The following WDR72 variants were observed in gnomAD, a reference collection of about 807,000 sequenced individuals.
WDR72 encodes WD repeat-containing protein 72.
Under a neutral mutation model 124.2 loss-of-function variants are expected in WDR72, and 120 were observed. The observed-to-expected ratio is 0.97, with a 90% confidence interval of 0.83 to 1.12. WDR72 has a LOEUF of 1.12. Among genes scored for constraint, WDR72 ranks in the 50% most tolerant of loss-of-function variants. The pLI, the probability that WDR72 is intolerant of heterozygous loss-of-function variation, is 0.00. For synonymous variants in WDR72, 452 were observed against 441.7 expected, an observed-to-expected ratio of 1.02 and a Z score of -0.29; for missense variants, 1,387 against 1,278.8, an observed-to-expected ratio of 1.08 and a Z score of -1.29.
intron 9 of WDR72, among the ~76,000 whole-genome samples, chr15:53,706,334 G>T (rs182626260): frequency 0.05 from 1,193 of 23,938 alleles, 20 homozygotes; most frequent in African/African-American, 0.17. Flanking sequence ...ATATGTGCGT[G>T]TGTGTGTGTG....
chr15:53,707,896 C>T (rs965494466), intron 9 of WDR72, among the ~76,000 whole-genome samples: 1 of 152,164 alleles, frequency 6.6e-6, no homozygotes, highest in African/African-American at 2.4e-5. Context: ...TTCCAACTCC[C>T]TGGTTATTCT....
At chr15:53,554,527 T>C (rs1893856082) in intron 18 of WDR72, among the ~76,000 whole-genome samples, 1 of 152,134 alleles carries the variant, frequency 6.6e-6, no homozygotes, top group African/African-American at 2.4e-5. Context: ...GTAAGCATCA[T>C]TGTGTTGTGT....
At chr15:53,718,187 T>C (rs904321140) in intron 3 of WDR72, among the ~76,000 whole-genome samples, 3 of 148,934 alleles carry the variant, frequency 2.0e-5, no homozygotes, top group Non-Finnish European at 4.4e-5. Flanking sequence ...TCCATGACTC[T>C]GTGTTGGGAT....
At chr15:53,756,814 A>G (rs1479080985) in intron 1 of WDR72, 1 of 152,256 alleles carries the variant, frequency 6.6e-6, no homozygotes, top group Non-Finnish European at 1.5e-5. Context: ...GCCGAAGGTC[A>G]GAGCTAGGAA....
rs190095980 is a variant in WDR72, at chr15:53,656,982, A to G, written c.1962+8590T>C. Among the ~76,000 whole-genome samples, 26 of 152,196 alleles carry G rather than the reference A, an allele frequency of 1.7e-4. No individual in the cohort carries two copies. The East Asian group carries it at 4.6e-3, about 27-fold the overall frequency. On this transcript the variant is annotated intron_variant, in intron 14 of 19. Transcript: ENST00000360509. ...CTACATGTTTTTAAAAAGGAAAAAC[A>G]GGCCTCGCATGGTGGCTCATGCCTG...
At chr15:53,647,230 T>G (rs4776169) in intron 14 of WDR72, among the ~76,000 whole-genome samples, 32,408 of 152,008 alleles carry the variant, frequency 0.21, 3,874 homozygotes, top group East Asian at 0.46. Flanking sequence ...TTCTGAATTA[T>G]AGAAGAAACT....
chr15:53,674,423 G>A (rs1356909570), intron 13 of WDR72, among the ~76,000 whole-genome samples: 1 of 152,178 alleles, frequency 6.6e-6, no homozygotes, highest in Non-Finnish European at 1.5e-5. Context: ...TATGGAGATC[G>A]ACCTAGCACC....
Position 53,722,808 on chromosome 15 carries a change from T to G in WDR72, c.254A>C (p.Glu85Ala). Reference sequence around the variant, plus strand: ...GTTTACATACCATACCTACCCATTTTCAGCAGCACTAACAATGTAGGGCTG... The same window carrying G: ...GTTTACATACCATACCTACCCATTTGCAGCAGCACTAACAATGTAGGGCTG... ...SKQPYIVSAA[E>A]NGEMCVWNVT... Residue 85 changes from glutamate to alanine, a missense_variant, in exon 3 of 20, where the codon GAA becomes GCA. Transcript: ENST00000360509. The G allele has an allele frequency of 6.2e-7, 1 of 1,614,090 alleles. No individual in the cohort carries two copies. Among genetic ancestry groups the G allele is most frequent in the Middle Eastern group, 1.7e-4 (1 of 6,060 alleles).
intron 13 of WDR72, among the ~76,000 whole-genome samples, chr15:53,692,626 T>C (rs2016879799): frequency 6.6e-6 from 1 of 152,160 alleles, no homozygotes; most frequent in Admixed American, 6.5e-5. Flanking sequence ...GATCAAATTT[T>C]GACAATTGTG....
upstream of WDR72, among the ~76,000 whole-genome samples, chr15:53,761,717 C>T (rs1167457161): frequency 1.3e-5 from 2 of 152,174 alleles, no homozygotes; most frequent in Admixed American, 6.5e-5. Context: ...AGTACCAGTT[C>T]CTCTGGAGGT....
In WDR72 at chr15:53,740,313, T is replaced by C. The variant is rs1057416892; in HGVS notation, c.-12-7152A>G. Among the ~76,000 whole-genome samples, 315 of 151,406 alleles carry C rather than the reference T, an allele frequency of 2.1e-3. 1 individual carries two copies. Among genetic ancestry groups the C allele is most frequent in the Non-Finnish European group, 4.0e-3 (270 of 67,772 alleles). On this transcript the variant is annotated intron_variant, in intron 1 of 19. Transcript: ENST00000360509. ...AAAAAAATTGATTCAACTAATTTTT[T>C]TTTTTTTTTTTTGAGACGGAGTCTC...
intron 13 of WDR72, among the ~76,000 whole-genome samples, chr15:53,667,432 G>GAA (rs5812702): frequency 4.6e-5 from 7 of 151,750 alleles, no homozygotes; most frequent in Admixed American, 2.0e-4. Flanking sequence ...TATAAATTAG[G>GAA]AAAAAAAATA....
chr15:53,600,920 G>A (rs2013016510), intron 17 of WDR72, among the ~76,000 whole-genome samples: 1 of 152,162 alleles, frequency 6.6e-6, no homozygotes, highest in Non-Finnish European at 1.5e-5. Flanking sequence ...TTTATGTTGA[G>A]TGTTTAATGT....
chr15:53,676,992 C>G (rs1330756976), intron 13 of WDR72, among the ~76,000 whole-genome samples: 1 of 150,138 alleles, frequency 6.7e-6, no homozygotes, highest in African/African-American at 2.5e-5. Flanking sequence ...ACCATCTCGG[C>G]TCACTGCAAG....
intron 18 of WDR72, among the ~76,000 whole-genome samples, chr15:53,535,241 T>C (rs1016070638): frequency 3.3e-5 from 5 of 152,172 alleles, no homozygotes; most frequent in African/African-American, 4.8e-5. Context: ...CTTATATACA[T>C]TTTTGTCTCT....
upstream of WDR72, chr15:53,762,739 A>T (rs1345282924): frequency 6.6e-6 from 1 of 152,258 alleles, no homozygotes; most frequent in Non-Finnish European, 1.5e-5. Flanking sequence ...GCTCTGCTGT[A>T]GCTAGCTTAG....
intron 16 of WDR72, 102 bp from the exon 17 acceptor site, chr15:53,609,694 T>G: frequency 1.0e-6 from 1 of 953,990 alleles, no homozygotes; most frequent in East Asian, 2.6e-5. Flanking sequence ...GCTTTGTTTT[T>G]TATAAACACC....
intron 14 of WDR72, among the ~76,000 whole-genome samples, chr15:53,635,216 T>C (rs765043568): frequency 6.6e-6 from 1 of 152,112 alleles, no homozygotes; most frequent in African/African-American, 2.4e-5. Flanking sequence ...CACCATACCA[T>C]CCTCCCTGGT....
At chr15:53,694,633 G>T (rs1166353447) in intron 13 of WDR72, among the ~76,000 whole-genome samples, 1 of 152,144 alleles carries the variant, frequency 6.6e-6, no homozygotes, top group African/African-American at 2.4e-5. Flanking sequence ...TGCATTGCAC[G>T]ATAAGTGAAG....
Sources: allele counts gnomAD v4.1 joint callset (sites outside exome capture counted in the v4.1 genomes callset), GRCh38; gene constraint gnomAD v4.1.1; transcripts MANE v1.5; gene names NCBI Gene and HGNC (gene_info 2026-07-23, HGNC 2026-07-21).